Variants in FBN1 observed in about 807,000 individuals in gnomAD.
FBN1 encodes the protein fibrillin 1, also known as fibrillin-1.
A neutral mutation model predicts 365.1 loss-of-function variants in FBN1; 29 were observed. The ratio of observed to expected loss-of-function variants is 0.08; its 90% confidence interval spans 0.06 to 0.11. The LOEUF (loss-of-function observed/expected upper bound fraction) is 0.11, where lower values mean the gene tolerates loss of function less well. FBN1 is among the 10% of genes least tolerant of loss of function. FBN1 has a pLI of 1.00. For synonymous variants in FBN1, 1,210 were observed against 1,270.5 expected, an observed-to-expected ratio of 0.95 and a Z score of 1.01; for missense variants, 2,476 against 3,703.2, an observed-to-expected ratio of 0.67 and a Z score of 8.60.
chr15:48,483,027 A>AT (rs1566908356), intron 31 of FBN1, among the ~76,000 whole-genome samples: 1 of 152,230 alleles, frequency 6.6e-6, no homozygotes, highest in Non-Finnish European at 1.5e-5. Flanking sequence ...AAGTTCAAAA[A>AT]TATTTCTAGG....
chr15:48,414,750 G>C (rs1163109553), intron 64 of FBN1, among the ~76,000 whole-genome samples: 2 of 152,022 alleles, frequency 1.3e-5, no homozygotes, highest in African/African-American at 2.4e-5. Context: ...CAAAAAATTA[G>C]CCGGGCGTGG....
At chr15:48,615,164 C>T (rs529245777) in intron 2 of FBN1, among the ~76,000 whole-genome samples, 1 of 152,330 alleles carries the variant, frequency 6.6e-6, no homozygotes, top group Admixed American at 6.5e-5. Context: ...CCTTCTCCAG[C>T]AACAGCCCAT....
At chr15:48,440,550 C>G (rs530251232) in intron 50 of FBN1, among the ~76,000 whole-genome samples, 22 of 152,336 alleles carry the variant, frequency 1.4e-4, no homozygotes, top group African/African-American at 5.3e-4. Flanking sequence ...CTGAAATCCA[C>G]ACAGACCACT....
chr15:48,626,622 C>A (rs1172580663), intron 2 of FBN1, among the ~76,000 whole-genome samples: 2 of 151,868 alleles, frequency 1.3e-5, no homozygotes, highest in African/African-American at 4.8e-5. Flanking sequence ...TCTATAAAGT[C>A]AGAGGAAGTT....
chr15:48,578,473 T>C (rs2044366005), intron 6 of FBN1, among the ~76,000 whole-genome samples: 1 of 152,182 alleles, frequency 6.6e-6, no homozygotes, highest in Admixed American at 6.5e-5. Flanking sequence ...AATTTATTTT[T>C]AAGTGAAAAA....
At chr15:48,572,744 G>A (rs2044315889) in intron 6 of FBN1, among the ~76,000 whole-genome samples, 1 of 152,116 alleles carries the variant, frequency 6.6e-6, no homozygotes, top group Non-Finnish European at 1.5e-5. Flanking sequence ...CTGGAGAGAG[G>A]AATGGCAAAG....
Position 48,409,489 on chromosome 15 carries a change from A to C in FBN1, c.*1501T>G, listed in dbSNP as rs1384749947. On this transcript the variant is annotated 3_prime_UTR_variant, in exon 66 of 66. Transcript: ENST00000316623. ...CTTTCCTGCCCTTAGGGATTTAAAA[A>C]ATTATTTCATATCGACGGATTGAGC... 6.6e-6 allele frequency: 1 copy of C among 152,208 alleles called. No homozygotes were observed. Among genetic ancestry groups the C allele is most frequent in the Non-Finnish European group, 1.5e-5 (1 of 68,042 alleles). The allele number at this position is 152,208 out of a possible 1,614,324, so 9.4% of individuals were successfully genotyped here.
In FBN1 at chr15:48,437,043, T is replaced by C; in HGVS notation, c.6414A>G (p.Lys2138=). The C allele has an allele frequency of 6.2e-7, 1 of 1,613,292 alleles. No individual in the cohort carries two copies. The highest frequency in any genetic ancestry group is 8.5e-7 in the Non-Finnish European group (1 of 1,179,366). The change falls in exon 53 of 66, where the codon AAA becomes AAG. Residue 2138 remains lysine (K), a synonymous_variant. Coordinates refer to ENST00000316623, the MANE Select transcript of FBN1 (RefSeq NM_000138.5). ...CATCTGTATTGATGCACTGTCCATGTTTACAGACATCGGGTTCTTTGCATT... is the reference window on the plus strand; with the variant it reads ...CATCTGTATTGATGCACTGTCCATGCTTACAGACATCGGGTTCTTTGCATT... ...MDECKEPDVC[K]HGQCINTDGS... is the part of the protein sequence containing the mutation.
At position 48,474,655 on chromosome 15, in the gene FBN1, A is replaced by G. The variant is rs1566906567; in HGVS notation, c.3965-5T>C. 6.2e-7 allele frequency: 1 copy of G among 1,614,062 alleles called. No individual in the cohort carries two copies. Among genetic ancestry groups the G allele is most frequent in the Non-Finnish European group, 8.5e-7 (1 of 1,179,970 alleles). ...CAATTTCACATTCATTGATGTCTGG[A>G]AAAATGAGCAGTGATTTAGAAAAAG... On this transcript the variant is annotated splice_polypyrimidine_tract_variant and splice_region_variant and intron_variant, in intron 32 of 65. Coordinates refer to ENST00000316623, the MANE Select transcript of FBN1 (RefSeq NM_000138.5).
intron 6 of FBN1, among the ~76,000 whole-genome samples, chr15:48,570,701 C>A (rs1007252953): frequency 6.6e-6 from 1 of 152,170 alleles, no homozygotes; most frequent in Non-Finnish European, 1.5e-5. Context: ...GCCCCATACT[C>A]ATTTATTTAA....
At chr15:48,479,520 C>T (rs1597557517) in intron 32 of FBN1, among the ~76,000 whole-genome samples, 1 of 152,170 alleles carries the variant, frequency 6.6e-6, no homozygotes, top group South Asian at 2.1e-4. Flanking sequence ...ACAGTGCTAG[C>T]TGGATTTTAG....
chr15:48,449,003 G>T, intron 45 of FBN1, 110 bp from the exon 46 acceptor site: 2 of 868,242 alleles, frequency 2.3e-6, no homozygotes, highest in Non-Finnish European at 3.8e-6. Context: ...CTAAGTTAGT[G>T]AAACAGATAT....
intron 6 of FBN1, among the ~76,000 whole-genome samples, chr15:48,562,064 G>A (rs953490459): frequency 6.6e-6 from 1 of 152,160 alleles, no homozygotes; most frequent in Non-Finnish European, 1.5e-5. Context: ...GTTGTCAGTA[G>A]ATCACATTTT....
At chr15:48,614,612 A>G (rs751391878) in intron 2 of FBN1, among the ~76,000 whole-genome samples, 18 of 152,158 alleles carry the variant, frequency 1.2e-4, no homozygotes, top group Admixed American at 2.0e-4. Flanking sequence ...TGGAGGAGCC[A>G]AGGAAAGGGC....
chr15:48,589,462 G>A (rs2044460039), intron 6 of FBN1, among the ~76,000 whole-genome samples: 1 of 152,118 alleles, frequency 6.6e-6, no homozygotes, highest in South Asian at 2.1e-4. Context: ...ACGAGTGTGT[G>A]TGTCAAAAGA....
chr15:48,410,942 C>T lies in FBN1; in HGVS notation c.*48G>A, dbSNP rs540032372. ...TGATTGGGGGAAAATATAGTTCTAC[C>T]TATCTATATTTGTTTTTCTTTTAAT... On this transcript the variant is annotated 3_prime_UTR_variant, in exon 66 of 66. Transcript: ENST00000316623. 87 of 1,490,640 alleles carry T rather than the reference C, an allele frequency of 5.8e-5. 1 individual carries two copies. Among genetic ancestry groups the T allele is most frequent in the South Asian group, 2.1e-4 (18 of 86,080 alleles). 92.3% of individuals were successfully genotyped at this position (1,490,640 alleles called of 1,614,324 possible). A position where few individuals can be genotyped will look rare whatever the true frequency, so the allele number is the denominator to read the frequency against.
At chr15:48,489,355 C>T (rs1029886539) in intron 25 of FBN1, among the ~76,000 whole-genome samples, 20 of 152,024 alleles carry the variant, frequency 1.3e-4, no homozygotes, top group Non-Finnish European at 2.2e-4. Flanking sequence ...AGCTCAAGAT[C>T]TCATTAATAT....
Position 48,432,571 on chromosome 15 carries a change from C to T in FBN1, c.6739+295G>A, listed in dbSNP as rs8034591. Among the ~76,000 whole-genome samples, 78,016 of 151,984 alleles carry T rather than the reference C, an allele frequency of 0.51. 24,456 individuals are homozygous for T. Among genetic ancestry groups the T allele is most frequent in the Non-Finnish European group, 0.69 (47,006 of 67,950 alleles). On this transcript the variant is annotated intron_variant, in intron 55 of 65. Transcript: ENST00000316623. ...ATCTCTTCATATTGGGTTTTTTGAA[C>T]GTGGGGAAATGTCTTTTTCTTTCTA... is the stretch of plus-strand genomic sequence containing the variant.
In FBN1 at chr15:48,568,049, G is replaced by GAAAGAAGAAAGA. The variant is rs369157930; in HGVS notation, c.538+28233_538+28234insTCTTTCTTCTTT. On this transcript the variant is annotated intron_variant, in intron 6 of 65. Transcript: ENST00000316623. ...AGAAAGAAAGAAAGAAAGAAAGAAA[G>GAAAGAAGAAAGA]AAGAAAGAAAGAAAGAAAGAAAGAA... 8.4e-3 allele frequency among the ~76,000 whole-genome samples: 338 copies of GAAAGAAGAAAGA among 40,032 alleles called. 2 individuals carry two copies. The highest frequency in any genetic ancestry group is 9.4e-3 in the African/African-American group (69 of 7,308). The allele number at this position is 40,032 out of a possible 152,430, so 26.3% of individuals were successfully genotyped here. A position where few individuals can be genotyped will look rare whatever the true frequency, so the allele number is the denominator to read the frequency against.
Sources: allele counts gnomAD v4.1 joint callset (sites outside exome capture counted in the v4.1 genomes callset), GRCh38; gene constraint gnomAD v4.1.1; transcripts MANE v1.5; gene names NCBI Gene and HGNC (gene_info 2026-07-23, HGNC 2026-07-21).